The following IL12A variants were observed in gnomAD, a reference collection of about 807,000 sequenced individuals.
IL12A encodes the protein interleukin 12A.
A neutral mutation model predicts 23.5 loss-of-function variants in IL12A; 16 were observed. The ratio of observed to expected loss-of-function variants is 0.68; its 90% CI spans 0.46 to 1.03. The LOEUF is 1.03. Ranked by LOEUF, IL12A falls within the 50% of genes least tolerant of loss-of-function variation. The pLI, the probability that IL12A is intolerant of heterozygous loss-of-function variation, is 0.00. For synonymous variants in IL12A, 106 were observed against 111.5 expected (o/e 0.95, Z 0.31); for missense variants, 275 against 307.0 (o/e 0.90, Z 0.78).
chr3:159,994,123 A>G (rs941689556), intron 6 of IL12A: 3 of 357,748 alleles, frequency 8.4e-6, no homozygotes, highest in Non-Finnish European at 1.6e-5. Context: ...AAACAACCAT[A>G]TGGGATCTGC....
intron 2 of IL12A, among the ~76,000 whole-genome samples, chr3:159,992,274 A>G (rs1487502750): frequency 6.6e-6 from 1 of 151,984 alleles, no homozygotes. Context: ...CCTTCTCACC[A>G]TGTCTCACCT....
intron 6 of IL12A, 26 bp from the exon 7 acceptor site, chr3:159,995,378 G>A: frequency 1.3e-6 from 2 of 1,535,338 alleles, no homozygotes; most frequent in Non-Finnish European, 1.8e-6. Flanking sequence ...TACCATGTAA[G>A]TCATGCTTAC....
chr3:159,990,289 G>A lies in IL12A; in HGVS notation c.241G>A (p.Ala81Thr), dbSNP rs561620167. 18 of 1,614,106 alleles carry A rather than the reference G, an allele frequency of 1.1e-5. No homozygotes were observed. The highest frequency in any genetic ancestry group is 1.4e-5 in the Non-Finnish European group (17 of 1,180,000). The change falls in exon 2 of 7, where the codon GCC becomes ACC. Residue 81 changes from alanine (A) to threonine (T), a missense_variant. Coordinates refer to ENST00000305579, the MANE Select transcript of IL12A (RefSeq NM_000882.4). ...TCACCACTCCCAAAACCTGCTGAGG[G>A]CCGTCAGCAACATGCTCCAGAAGGT...
chr3:159,989,356 C>T (rs1720220286), intron 1 of IL12A, 182 bp downstream of exon 1: 1 of 592,648 alleles, frequency 1.7e-6, no homozygotes, highest in East Asian at 3.0e-5. Flanking sequence ...CTCTTTTCAT[C>T]TCGAAACAGC....
Position 159,991,876 on chromosome 3 carries a change from C to T in IL12A, c.265-1136C>T, listed in dbSNP as rs2243124. On this transcript the variant is annotated intron_variant, in intron 2 of 6. Coordinates refer to ENST00000305579, the MANE Select transcript of IL12A (RefSeq NM_000882.4). ...GCTCCCTCTGGACTGACCTTCTACC[C>T]GCTTCTACTTTTGAGGACACTGCTT... is the stretch of plus-strand genomic sequence containing the variant. 5.1e-3 allele frequency among the ~76,000 whole-genome samples: 774 copies of T among 152,264 alleles called. 5 individuals carry two copies. The highest frequency in any genetic ancestry group is 0.018 in the African/African-American group (749 of 41,546).
intron 3 of IL12A, 32 bp downstream of exon 3, chr3:159,993,157 T>C: frequency 1.7e-6 from 2 of 1,209,232 alleles, no homozygotes; most frequent in Non-Finnish European, 2.4e-6. Context: ...GAGCATGCAG[T>C]GTGGTTAAAA....
At chr3:159,990,463 G>A in intron 2 of IL12A, 151 bp downstream of exon 2, 1 of 722,876 alleles carries the variant, frequency 1.4e-6, no homozygotes, top group Non-Finnish European at 2.3e-6. Context: ...TTTACAAATG[G>A]CCCAAGTGTT....
chr3:159,995,636 G>A lies in IL12A; in HGVS notation c.*77G>A. On this transcript the variant is annotated 3_prime_UTR_variant, in exon 7 of 7. Coordinates refer to ENST00000305579, the MANE Select transcript of IL12A (RefSeq NM_000882.4). ...GAAACTTTGATAGGATGTGGATTAA[G>A]AACTAGGGAGGGGGAAAGAAGGATG... is the stretch of plus-strand genomic sequence containing the variant. 2.8e-6 allele frequency: 3 copies of A among 1,082,438 alleles called. No individual in the cohort carries two copies. Among genetic ancestry groups the A allele is most frequent in the Non-Finnish European group, 3.9e-6 (3 of 764,782 alleles). 67.1% of individuals were successfully genotyped at this position (1,082,438 alleles called of 1,614,324 possible). A position where few individuals can be genotyped will look rare whatever the true frequency, so the allele number is the denominator to read the frequency against.
At position 159,993,592 on chromosome 3, in the gene IL12A, A is replaced by G. The variant is rs765492561; in HGVS notation, c.445A>G (p.Lys149Glu). Residue 149 changes from lysine to glutamate, a missense_variant, in exon 5 of 7, where the codon AAG (lysine) becomes GAG (glutamate). By Grantham distance (56) the Lys-to-Glu change is moderately conservative (BLOSUM62 1). Coordinates refer to ENST00000305579, the MANE Select transcript of IL12A (RefSeq NM_000882.4). ...GAATGGGAGTTGCCTGGCCTCCAGA[A>G]AGACCTCTTTTATGATGGTAAGACA... The G allele has an allele frequency of 9.3e-6, 15 of 1,614,160 alleles. No individual in the cohort carries two copies. The highest frequency in any genetic ancestry group is 1.3e-5 in the Non-Finnish European group (15 of 1,180,010).
chr3:159,989,092 C>G lies in IL12A; in HGVS notation c.36C>G (p.Pro12=). The change falls in exon 1 of 7, where the codon CCC becomes CCG. Residue 12 remains proline (P), a synonymous_variant. Coordinates refer to ENST00000305579, the MANE Select transcript of IL12A (RefSeq NM_000882.4). ...CTGGGTCAGCCTCCCAGCCACCGCC[C>G]TCACCTGCCGCGGCCACAGGTCTGC... is the stretch of plus-strand genomic sequence containing the variant. The G allele has an allele frequency of 6.2e-7, 1 of 1,613,254 alleles. No homozygotes were observed. The highest frequency in any genetic ancestry group is 8.5e-7 in the Non-Finnish European group (1 of 1,179,798).
chr3:159,993,148 A>C (rs891584078), intron 3 of IL12A, 23 bp downstream of exon 3: 1 of 1,268,856 alleles, frequency 7.9e-7, no homozygotes, highest in African/African-American at 1.5e-5. Flanking sequence ...TTCCTCCCAG[A>C]GCATGCAGTG....
At chr3:159,995,327 G>T in intron 6 of IL12A, 77 bp from the exon 7 acceptor site, 1 of 1,214,936 alleles carries the variant, frequency 8.2e-7, no homozygotes, top group Non-Finnish European at 1.2e-6. Context: ...GACATGTACT[G>T]GCTTCACTCA....
intron 4 of IL12A, 32 bp downstream of exon 4, chr3:159,993,524 A>G: frequency 1.2e-6 from 2 of 1,613,962 alleles, no homozygotes; most frequent in African/African-American, 1.3e-5. Context: ...TTCAGCCTGT[A>G]TGATGAATTC....
chr3:159,995,324 A>G, intron 6 of IL12A, 80 bp from the exon 7 acceptor site: 4 of 1,181,312 alleles, frequency 3.4e-6, no homozygotes, highest in Non-Finnish European at 3.6e-6. Context: ...TGAGACATGT[A>G]CTGGCTTCAC....
chr3:159,992,677 A>G (rs558411771), intron 2 of IL12A, among the ~76,000 whole-genome samples: 62 of 152,348 alleles, frequency 4.1e-4, no homozygotes, highest in African/African-American at 1.4e-3. Flanking sequence ...TCACTTTAGC[A>G]AAAGAAGAAA....
At chr3:159,993,935 G>C in intron 6 of IL12A, 91 bp downstream of exon 6, 1 of 1,375,414 alleles carries the variant, frequency 7.3e-7, no homozygotes, top group Non-Finnish European at 1.0e-6. Flanking sequence ...AAGAGGTCTG[G>C]AGGCCTTTTA....
chr3:159,992,739 C>T (rs935805265), intron 2 of IL12A, among the ~76,000 whole-genome samples: 1 of 152,216 alleles, frequency 6.6e-6, no homozygotes, highest in Non-Finnish European at 1.5e-5. Flanking sequence ...CTGGTTAGCA[C>T]AGGCTGTTGA....
chr3:159,989,709 G>C (rs916595104), intron 1 of IL12A, among the ~76,000 whole-genome samples: 1 of 152,180 alleles, frequency 6.6e-6, no homozygotes, highest in Non-Finnish European at 1.5e-5. Flanking sequence ...GCTTGAACTC[G>C]GAGGTGGAGG....
intron 1 of IL12A, among the ~76,000 whole-genome samples, chr3:159,989,817 C>G (rs1194256975): frequency 6.6e-6 from 1 of 152,196 alleles, no homozygotes; most frequent in Non-Finnish European, 1.5e-5. Flanking sequence ...TCTCACTCCA[C>G]TGTTTTTAAA....
Sources: gnomAD v4.1 joint callset for allele counts (sites outside exome capture counted in the v4.1 genomes callset) on GRCh38, gnomAD v4.1.1 for gene constraint, MANE v1.5 for transcripts, NCBI Gene and HGNC (gene_info 2026-07-23, HGNC 2026-07-21) for gene names.